Variants in METTL22 observed in about 807,000 individuals in gnomAD.
METTL22 encodes methyltransferase-like protein 22.
A neutral mutation model predicts 48.4 loss-of-function variants in METTL22; 51 were observed. The ratio of observed to expected loss-of-function variants is 1.05; its 90% CI spans 0.84 to 1.33. The LOEUF is 1.33. METTL22 is among the 40% of genes most tolerant of loss of function. METTL22 has a pLI of 0.00. For synonymous variants in METTL22, 255 were observed against 214.1 expected, an observed-to-expected ratio of 1.19 and a Z score of -1.67; for missense variants, 678 against 526.9, an observed-to-expected ratio of 1.29 and a Z score of -2.81.
In METTL22 at chr16:8,639,158, T is replaced by G. The variant is rs1449912602; in HGVS notation, c.768T>G (p.Thr256=). Residue 256 remains threonine (T), a synonymous_variant, in exon 6 of 11, where the codon ACT becomes ACG. Coordinates refer to ENST00000381920, the MANE Select transcript of METTL22 (RefSeq NM_024109.4). ...CCCTCAACAGCCACCTGGCTGCCAC[T>G]GGAGGTGAGGCCCAGGGGGTCTTCT... ...NIALNSHLAA[T]GGGIVRVKEL... is the part of the protein sequence containing the mutation. The G allele has an allele frequency of 1.2e-6, 2 of 1,613,896 alleles. No individual in the cohort carries two copies. The highest frequency in any genetic ancestry group is 2.7e-5 in the African/African-American group (2 of 74,930).
At chr16:8,637,336 A>G (rs2141758920) in intron 5 of METTL22, among the ~76,000 whole-genome samples, 2 of 152,306 alleles carry the variant, frequency 1.3e-5, no homozygotes. Flanking sequence ...GTAAATTATC[A>G]GTGAGCTCTT....
intron 2 of METTL22, among the ~76,000 whole-genome samples, chr16:8,626,606 G>A (rs139577498): frequency 1.1e-4 from 16 of 150,294 alleles, no homozygotes; most frequent in African/African-American, 3.9e-4. Flanking sequence ...CTGCCACCAC[G>A]CCCAGCTAAT....
intron 1 of METTL22, chr16:8,623,944 C>G (rs1479887013): frequency 6.6e-6 from 1 of 152,132 alleles, no homozygotes; most frequent in African/African-American, 2.4e-5. Flanking sequence ...AGGTTTGGGT[C>G]AAATACCTGA....
At position 8,635,185 on chromosome 16, in the gene METTL22, G is replaced by A. The variant is rs1047213038; in HGVS notation, c.573G>A (p.Leu191=). ...DVGKQVWRGA[L]LLADYILFRQ... is the part of the protein sequence containing the mutation. The stretch of plus-strand genomic sequence containing the variant: ...CCCTCCAGGTGTGGCGGGGCGCCCT[G>A]CTCCTGGCAGACTACATCCTGTTCC... The change falls in exon 5 of 11, where the codon CTG becomes CTA. Residue 191 remains leucine, a synonymous_variant. Coordinates refer to ENST00000381920, the MANE Select transcript of METTL22 (RefSeq NM_024109.4). 1 of 1,610,464 alleles carries A rather than the reference G, an allele frequency of 6.2e-7. No individual in the cohort carries two copies. The highest frequency in any genetic ancestry group is 8.5e-7 in the Non-Finnish European group (1 of 1,178,084).
chr16:8,638,987 T>C, intron 5 of METTL22, 104 bp from the exon 6 acceptor site: 1 of 1,131,378 alleles, frequency 8.8e-7, no homozygotes, highest in Non-Finnish European at 1.3e-6. Flanking sequence ...GTTTCTCTAA[T>C]TTCTGCAGTT....
intron 5 of METTL22, among the ~76,000 whole-genome samples, chr16:8,637,263 G>C (rs896061534): frequency 6.6e-6 from 1 of 152,166 alleles, no homozygotes; most frequent in Admixed American, 6.5e-5. Context: ...CAAATATGCT[G>C]TTAACCACTG....
chr16:8,628,321 T>G (rs2056132173), intron 2 of METTL22, among the ~76,000 whole-genome samples: 1 of 152,190 alleles, frequency 6.6e-6, no homozygotes, highest in South Asian at 2.1e-4. Flanking sequence ...ATTCAAAAAC[T>G]GGCATAAACC....
the METTL22 span, among the ~76,000 whole-genome samples, chr16:8,655,682 C>T: frequency 6.6e-6 from 1 of 152,154 alleles, no homozygotes. Flanking sequence ...ACATCCTTGC[C>T]CTGAAGAGGC....
At chr16:8,660,816 AGGAGGAGGAGGAGGGGGAGGAGGG>A in the METTL22 span, among the ~76,000 whole-genome samples, 1 of 2,008 alleles carries the variant, frequency 5.0e-4, no homozygotes, top group South Asian at 0.016. Flanking sequence ...GAGGAGGAGG[AGGAGGAGGAGGAGGGGGAGGAGGG>A]GGAGGAGGGG....
At chr16:8,634,655 TTAG>T (rs1401932949) in intron 3 of METTL22, among the ~76,000 whole-genome samples, 2 of 152,202 alleles carry the variant, frequency 1.3e-5, no homozygotes, top group Non-Finnish European at 2.9e-5. Flanking sequence ...ATTGTGATTA[TTAG>T]TAGTATATAA....
the METTL22 span, among the ~76,000 whole-genome samples, chr16:8,656,933 T>G: frequency 6.6e-6 from 1 of 152,206 alleles, no homozygotes; most frequent in Non-Finnish European, 1.5e-5. Flanking sequence ...GAAGTAAACA[T>G]GGGTCAAACT....
At chr16:8,627,223 C>T (rs192301419) in intron 2 of METTL22, among the ~76,000 whole-genome samples, 7 of 152,194 alleles carry the variant, frequency 4.6e-5, no homozygotes, top group Admixed American at 2.0e-4. Context: ...AGTGGCTTTC[C>T]GTTGCTCTCA....
At chr16:8,659,147 A>G in the METTL22 span, among the ~76,000 whole-genome samples, 20 of 152,272 alleles carry the variant, frequency 1.3e-4, no homozygotes, top group South Asian at 4.1e-4. Flanking sequence ...CCTGGCCAAC[A>G]TGGTGAAACC....
Position 8,621,781 on chromosome 16 carries a change from T to A in METTL22, c.-171+6T>A, listed in dbSNP as rs2055856504. On this transcript the variant is annotated splice_donor_region_variant and intron_variant, in intron 1 of 10. Transcript: ENST00000381920. ...CAGGCTGGGCCCCGCGGCGGGTAAG[T>A]GCCTGGGAGAGGCGGCGGGATAGGG... is the stretch of plus-strand genomic sequence containing the variant. 6.6e-6 allele frequency: 1 copy of A among 152,182 alleles called. No individual in the cohort carries two copies. Among genetic ancestry groups the A allele is most frequent in the Non-Finnish European group, 1.5e-5 (1 of 68,074 alleles). 9.4% of individuals were successfully genotyped at this position (152,182 alleles called of 1,614,324 possible). A position where few individuals can be genotyped will look rare whatever the true frequency, so the allele number is the denominator to read the frequency against.
chr16:8,665,220 C>T, the METTL22 span, among the ~76,000 whole-genome samples: 760 of 152,306 alleles, frequency 5.0e-3, 5 homozygotes, highest in African/African-American at 0.016. Flanking sequence ...GTGGGAGAAT[C>T]ACTTGAGTTA....
chr16:8,623,178 G>A (rs959758102), intron 1 of METTL22, among the ~76,000 whole-genome samples: 1 of 152,016 alleles, frequency 6.6e-6, no homozygotes, highest in Non-Finnish European at 1.5e-5. Flanking sequence ...GGTGGACATT[G>A]TGGTGCATGC....
chr16:8,654,020 T>A (rs569635656), downstream of METTL22, among the ~76,000 whole-genome samples: 10 of 152,132 alleles, frequency 6.6e-5, no homozygotes, highest in Middle Eastern at 0.01. Flanking sequence ...CAAGACCCCA[T>A]CTCAAAAAAA....
intron 4 of METTL22, 40 bp from the exon 5 acceptor site, chr16:8,635,128 G>C (rs1425939268): frequency 5.6e-6 from 9 of 1,613,812 alleles, no homozygotes; most frequent in Non-Finnish European, 5.9e-6. Flanking sequence ...TCCCTGCAGA[G>C]CCTCACGCTG....
the METTL22 span, among the ~76,000 whole-genome samples, chr16:8,660,302 A>G: frequency 6.6e-6 from 1 of 151,776 alleles, no homozygotes; most frequent in Non-Finnish European, 1.5e-5. Flanking sequence ...TCAGCCTCCC[A>G]AGCTGGAACT....
Sources: gnomAD v4.1 joint callset for allele counts (sites outside exome capture counted in the v4.1 genomes callset) on GRCh38, gnomAD v4.1.1 for gene constraint, MANE v1.5 for transcripts, NCBI Gene and HGNC (gene_info 2026-07-23, HGNC 2026-07-21) for gene names.